CDH23: variants seen among roughly 807,000 people sequenced by gnomAD.
The protein encoded by CDH23 is cadherin-23.
In CDH23, 189 loss-of-function variants were observed where a neutral mutation model predicts 317.1. The observed-to-expected ratio is 0.60, with a 90% CI of 0.53 to 0.67. The LOEUF is 0.67. Among genes scored for constraint, CDH23 ranks in the 30% least tolerant of loss-of-function variants. CDH23 has a pLI of 0.00. For synonymous variants in CDH23, 1,839 were observed against 1,876.8 expected, an observed-to-expected ratio of 0.98 and a Z score of 0.52; for missense variants, 4,401 against 4,592.4, an observed-to-expected ratio of 0.96 and a Z score of 1.20.
Position 71,811,381 on chromosome 10 carries a change from G to A in CDH23, c.9144G>A (p.Leu3048=). The A allele has an allele frequency of 1.2e-6, 2 of 1,613,956 alleles. No homozygotes were observed. The highest frequency in any genetic ancestry group is 4.5e-5 in the East Asian group (2 of 44,868). Residue 3048 remains leucine, a synonymous_variant, in exon 63 of 70, where the codon CTG becomes CTA. Transcript: ENST00000224721. The part of the protein sequence containing the change: ...LRNLFRNYNV[L]DVQPAISVRL... Reference sequence around the variant, plus strand: ...ATCTTTTCCGGAACTACAACGTCCTGGACGTGCAGCCTGCCATCTCTGTCC... The same window carrying A: ...ATCTTTTCCGGAACTACAACGTCCTAGACGTGCAGCCTGCCATCTCTGTCC...
chr10:71,771,188 G>A (rs1840675738), intron 38 of CDH23, among the ~76,000 whole-genome samples: 1 of 152,172 alleles, frequency 6.6e-6, no homozygotes, highest in Non-Finnish European at 1.5e-5. Context: ...TGGGGAAGAA[G>A]AGGCTCTGCT....
rs749236786 is a variant in CDH23 at position 71,643,851 on chromosome 10, C to T, written c.1135-10C>T. ...TCCATATCCTTTGACTGACCGACTC[C>T]CATTGACAGAATTTGGTAAGTGAGC... On this transcript the variant is annotated splice_polypyrimidine_tract_variant and intron_variant, in intron 11 of 69. Coordinates refer to ENST00000224721, the MANE Select transcript of CDH23 (RefSeq NM_022124.6). 1 of 766,184 alleles carries T rather than the reference C, an allele frequency of 1.3e-6. No homozygotes were observed. The highest frequency in any genetic ancestry group is 2.4e-5 in the East Asian group (1 of 41,236). The allele number at this position is 766,184 out of a possible 1,614,324, so 47.5% of individuals were successfully genotyped here.
rs1223378316 is a variant in CDH23, at chr10:71,679,374, C to T, written c.1753-13C>T. On this transcript the variant is annotated splice_polypyrimidine_tract_variant and intron_variant, in intron 16 of 69. Transcript: ENST00000224721. Reference sequence around the variant, plus strand: ...TGCAGGCTCACGGCCCTTGTCTGCCCTCTTCCTTTCAGGCAACAGATGAAG... The same window carrying T: ...TGCAGGCTCACGGCCCTTGTCTGCCTTCTTCCTTTCAGGCAACAGATGAAG... The T allele has an allele frequency of 3.7e-6, 6 of 1,600,378 alleles. No individual in the cohort carries two copies. Among genetic ancestry groups the T allele is most frequent in the African/African-American group, 1.3e-5 (1 of 74,774 alleles).
At chr10:71,570,694 G>T in intron 7 of CDH23, 96 bp from the exon 8 acceptor site, 1 of 1,420,826 alleles carries the variant, frequency 7.0e-7, no homozygotes, top group African/African-American at 1.4e-5. Context: ...GCACTTATGT[G>T]CTGCACGGTG....
chr10:71,795,948 C>T, intron 48 of CDH23: 1 of 986,168 alleles, frequency 1.0e-6, no homozygotes, highest in Non-Finnish European at 1.2e-6. Context: ...CCTGTGGGGC[C>T]TGGGCCAAGG....
At chr10:71,596,942 G>T (rs1166391481) in intron 9 of CDH23, among the ~76,000 whole-genome samples, 1 of 152,172 alleles carries the variant, frequency 6.6e-6, no homozygotes, top group Non-Finnish European at 1.5e-5. Context: ...CCAGGTTGGG[G>T]ACATTGGGCC....
intron 3 of CDH23, among the ~76,000 whole-genome samples, chr10:71,482,568 C>T (rs954024202): frequency 6.6e-6 from 1 of 152,206 alleles, no homozygotes; most frequent in Admixed American, 6.5e-5. Context: ...TCCTCCACCC[C>T]ATTGGTGGGG....
intron 3 of CDH23, among the ~76,000 whole-genome samples, chr10:71,491,732 G>A (rs1852671414): frequency 6.6e-6 from 1 of 152,174 alleles, no homozygotes; most frequent in Non-Finnish European, 1.5e-5. Context: ...GAGGTAAAGA[G>A]GTCTTCATAG....
chr10:71,797,009 G>A lies in CDH23; in HGVS notation c.6713-95G>A, dbSNP rs1841421864. ...ATTCTACTGGGGACCGTCATCCTTT[G>A]TGGGGATTGGGAGGGTTTGGCCAGG... On this transcript the variant is annotated intron_variant, in intron 48 of 69. Transcript: ENST00000224721. The A allele has an allele frequency of 2.0e-5, 15 of 748,810 alleles. 1 individual carries two copies. In the South Asian group the frequency reaches 2.1e-4, roughly 10 times the overall value. 46.4% of individuals were successfully genotyped at this position (748,810 alleles called of 1,614,324 possible).
chr10:71,709,253 A>G lies in CDH23; in HGVS notation c.3220+42A>G, dbSNP rs540120887. On this transcript the variant is annotated intron_variant, in intron 27 of 69. Coordinates refer to ENST00000224721, the MANE Select transcript of CDH23 (RefSeq NM_022124.6). ...CACCCACCAACACAGTGATCTGGGC[A>G]GAGTTCACACAGGGTGCCTCCCAGG... 4.5e-6 allele frequency: 7 copies of G among 1,561,566 alleles called. No homozygotes were observed. In the East Asian group the frequency reaches 1.6e-4, roughly 35 times the overall value.
intron 6 of CDH23, among the ~76,000 whole-genome samples, chr10:71,553,280 C>A (rs914023292): frequency 2.6e-5 from 4 of 152,158 alleles, no homozygotes; most frequent in Admixed American, 2.6e-4. Context: ...CCTCTCCCTG[C>A]CTGGGTCCAG....
At chr10:71,693,942 C>G (rs1865277407) in intron 20 of CDH23, among the ~76,000 whole-genome samples, 1 of 152,172 alleles carries the variant, frequency 6.6e-6, no homozygotes, top group African/African-American at 2.4e-5. Context: ...CCCTGGGGAA[C>G]CAGCTCCCAA....
At chr10:71,754,911 AG>A (rs1326070211) in intron 38 of CDH23, among the ~76,000 whole-genome samples, 2 of 152,216 alleles carry the variant, frequency 1.3e-5, no homozygotes, top group Non-Finnish European at 2.9e-5. Context: ...GGAAAAAGAA[AG>A]GGTTGAGCTA....
At chr10:71,650,992 G>GCACATGGCCCTGAGGA (rs1465215860) in intron 14 of CDH23, among the ~76,000 whole-genome samples, 1 of 152,216 alleles carries the variant, frequency 6.6e-6, no homozygotes, top group East Asian at 1.9e-4. Flanking sequence ...TGTGTGCTAG[G>GCACATGGCCCTGAGGA]CACATGGCCC....
At chr10:71,715,537 C>G (rs889237063) in intron 28 of CDH23, 1 of 170,378 alleles carries the variant, frequency 5.9e-6, no homozygotes, top group Non-Finnish European at 1.2e-5. Context: ...TAAAGGGAAC[C>G]TTTGCCATTT....
At chr10:71,763,005 CTG>C (rs1840434577) in intron 38 of CDH23, among the ~76,000 whole-genome samples, 1 of 152,212 alleles carries the variant, frequency 6.6e-6, no homozygotes, top group African/African-American at 2.4e-5. Context: ...TTCTATCTAA[CTG>C]TATGAGCCTC....
intron 38 of CDH23, among the ~76,000 whole-genome samples, chr10:71,759,914 C>T (rs796364797): frequency 0.28 from 15,605 of 55,506 alleles, 3,802 homozygotes; most frequent in Non-Finnish European, 0.42. Flanking sequence ...TACACACACA[C>T]ATATATACAC....
intron 1 of CDH23, among the ~76,000 whole-genome samples, chr10:71,431,277 C>T (rs1367508628): frequency 2.6e-5 from 4 of 152,188 alleles, no homozygotes; most frequent in South Asian, 2.1e-4. Context: ...TCTGTGGCTC[C>T]CCACCCTGGG....
At position 71,646,996 on chromosome 10, in the gene CDH23, G is replaced by A. The variant is rs546322345; in HGVS notation, c.1449+379G>A. ...TCCATGTGAGCACAGGCACCAGAGA[G>A]GGGCAGGCGCCTGGAGGGTACCGGG... On this transcript the variant is annotated intron_variant, in intron 14 of 69. Transcript: ENST00000224721. 3.4e-4 allele frequency: 334 copies of A among 985,338 alleles called. 1 individual carries two copies. The African/African-American group carries it at 5.4e-3, about 16-fold the overall frequency. 61.0% of individuals were successfully genotyped at this position (985,338 alleles called of 1,614,324 possible). A position where few individuals can be genotyped will look rare whatever the true frequency, so the allele number is the denominator to read the frequency against.
Sources: gnomAD v4.1 joint callset for allele counts (sites outside exome capture counted in the v4.1 genomes callset) on GRCh38, gnomAD v4.1.1 for gene constraint, MANE v1.5 for transcripts, NCBI Gene and HGNC (gene_info 2026-07-23, HGNC 2026-07-21) for gene names.